PCGF5: variants seen among roughly 807,000 people sequenced by gnomAD.
The protein encoded by PCGF5 is polycomb group ring finger 5, also known as polycomb group RING finger protein 5.
Under a neutral mutation model 44.3 loss-of-function variants are expected in PCGF5, and 9 were observed. That is an observed-to-expected ratio of 0.20 (90% CI 0.12 to 0.35). The LOEUF (loss-of-function observed/expected upper bound fraction) is 0.35. Among genes scored for constraint, PCGF5 ranks in the 10% least tolerant of loss-of-function variants. The pLI, the probability that PCGF5 is intolerant of heterozygous loss-of-function variation, is 1.00. For missense variants in PCGF5, 146 were observed against 305.3 expected (o/e 0.48, Z 3.89); for synonymous variants, 95 against 102.5 (o/e 0.93, Z 0.44).
Position 91,264,421 on chromosome 10 carries a change from C to A in PCGF5, c.574-10C>A. ...TTATGTTAATAGATCTATAATGATT[C>A]TTTTTAAAGTTGGATGTGCTGTGCA... On this transcript the variant is annotated splice_polypyrimidine_tract_variant and intron_variant, in intron 7 of 9. Coordinates refer to ENST00000336126, the MANE Select transcript of PCGF5 (RefSeq NM_032373.5). 1 of 1,581,496 alleles carries A rather than the reference C, an allele frequency of 6.3e-7. No individual in the cohort carries two copies. The highest frequency in any genetic ancestry group is 8.6e-7 in the Non-Finnish European group (1 of 1,164,486).
chr10:91,239,808 A>T (rs977882228), intron 2 of PCGF5, among the ~76,000 whole-genome samples: 3 of 152,176 alleles, frequency 2.0e-5, no homozygotes, highest in Admixed American at 6.6e-5. Flanking sequence ...TCCACAAGTC[A>T]TATTTCCATT....
intron 5 of PCGF5, among the ~76,000 whole-genome samples, chr10:91,249,796 AT>A (rs1845579764): frequency 6.6e-6 from 1 of 152,066 alleles, no homozygotes; most frequent in African/African-American, 2.4e-5. Flanking sequence ...CAACAAAAAA[AT>A]GGCAAAGAAG....
At chr10:91,166,480 T>C (rs1401444146) in intron 1 of PCGF5, among the ~76,000 whole-genome samples, 1 of 152,214 alleles carries the variant, frequency 6.6e-6, no homozygotes, top group African/African-American at 2.4e-5. Flanking sequence ...TGGCAGTAAA[T>C]AACCTAGAAT....
chr10:91,251,119 A>C (rs1038808713), intron 5 of PCGF5, among the ~76,000 whole-genome samples, 173 bp from the exon 6 acceptor site: 2 of 150,886 alleles, frequency 1.3e-5, no homozygotes, highest in African/African-American at 4.9e-5. Context: ...TTTTTTTACA[A>C]AATATTTCCA....
intron 9 of PCGF5, among the ~76,000 whole-genome samples, chr10:91,275,699 C>A (rs1174449060): frequency 6.6e-6 from 1 of 151,646 alleles, no homozygotes; most frequent in Non-Finnish European, 1.5e-5. Flanking sequence ...GTGATCTGCC[C>A]GCCTCGGGCT....
chr10:91,263,216 AGTT>A (rs1163552097), intron 7 of PCGF5, among the ~76,000 whole-genome samples: 1 of 152,224 alleles, frequency 6.6e-6, no homozygotes, highest in Non-Finnish European at 1.5e-5. Context: ...AAGATAGTTT[AGTT>A]GTTAAACGAC....
At chr10:91,208,483 C>G (rs1844388178) in intron 1 of PCGF5, among the ~76,000 whole-genome samples, 1 of 152,170 alleles carries the variant, frequency 6.6e-6, no homozygotes, top group Non-Finnish European at 1.5e-5. Context: ...CTAACAAGAT[C>G]CCTGCTGATG....
chr10:91,189,176 C>T (rs113279340), intron 1 of PCGF5, among the ~76,000 whole-genome samples: 149 of 152,354 alleles, frequency 9.8e-4, no homozygotes, highest in African/African-American at 3.4e-3. Context: ...CACATTCCTT[C>T]TCTTCTTTGC....
intron 1 of PCGF5, among the ~76,000 whole-genome samples, chr10:91,188,086 C>T (rs1843959607): frequency 6.6e-6 from 1 of 152,168 alleles, no homozygotes; most frequent in Admixed American, 6.5e-5. Flanking sequence ...GTTAACTCCC[C>T]CGAACAGGAA....
intron 8 of PCGF5, among the ~76,000 whole-genome samples, chr10:91,268,265 T>A (rs2133439881): frequency 6.6e-6 from 1 of 152,286 alleles, no homozygotes; most frequent in Admixed American, 6.5e-5. Flanking sequence ...TTGGGATAAA[T>A]TTGGATGAAG....
At position 91,233,780 on chromosome 10, in the gene PCGF5, A is replaced by T. The variant is rs948101503; in HGVS notation, c.113-6704A>T. Among the ~76,000 whole-genome samples, 4 of 152,336 alleles carry T rather than the reference A, an allele frequency of 2.6e-5. No individual in the cohort carries two copies. The South Asian group carries it at 8.3e-4, about 32-fold the overall frequency. On this transcript the variant is annotated intron_variant, in intron 2 of 9. Coordinates refer to ENST00000336126, the MANE Select transcript of PCGF5 (RefSeq NM_032373.5). ...TCAAGACAAAAATGTATATAAAATG[A>T]GCATTATCAAGAAATGTGTATGAAG...
At chr10:91,174,354 TA>T (rs1200120849) in intron 1 of PCGF5, among the ~76,000 whole-genome samples, 1 of 151,816 alleles carries the variant, frequency 6.6e-6, no homozygotes, top group Non-Finnish European at 1.5e-5. Flanking sequence ...TAAAAATACA[TA>T]AATTAGACAG....
At chr10:91,209,000 C>G (rs956448496) in intron 1 of PCGF5, among the ~76,000 whole-genome samples, 1 of 152,160 alleles carries the variant, frequency 6.6e-6, no homozygotes, top group Non-Finnish European at 1.5e-5. Context: ...TGGTCAAATA[C>G]TTTTTTTCCC....
intron 9 of PCGF5, among the ~76,000 whole-genome samples, chr10:91,276,584 A>T (rs998123321): frequency 6.6e-6 from 1 of 152,212 alleles, no homozygotes; most frequent in Non-Finnish European, 1.5e-5. Context: ...GTTCTTATAG[A>T]ACACACAACA....
intron 1 of PCGF5, among the ~76,000 whole-genome samples, chr10:91,187,686 T>C (rs771057354): frequency 6.6e-6 from 1 of 152,230 alleles, no homozygotes; most frequent in Non-Finnish European, 1.5e-5. Context: ...ACAACTTCAA[T>C]GCTTCATGTT....
At chr10:91,266,327 C>T (rs137978540) in intron 8 of PCGF5, among the ~76,000 whole-genome samples, 1 of 152,220 alleles carries the variant, frequency 6.6e-6, no homozygotes, top group African/African-American at 2.4e-5. Context: ...AGAACTCCTC[C>T]CAAAGTTGCC....
rs369073230 is a variant in PCGF5 at position 91,280,885 on chromosome 10, G to A, written c.*2569G>A. ...AAATGAATTCTTTAAATAACCTATA[G>A]GAATCATCTGAATCTGTAACATCAG... is the stretch of plus-strand genomic sequence containing the variant. On this transcript the variant is annotated 3_prime_UTR_variant, in exon 10 of 10. Transcript: ENST00000336126. The A allele has an allele frequency of 2.0e-5, 3 of 152,410 alleles. No individual in the cohort carries two copies. The highest frequency in any genetic ancestry group is 3.8e-4 in the East Asian group (2 of 5,200). 9.4% of individuals were successfully genotyped at this position (152,410 alleles called of 1,614,324 possible). A position where few individuals can be genotyped will look rare whatever the true frequency, so the allele number is the denominator to read the frequency against.
chr10:91,253,281 G>A (rs1845665532), intron 6 of PCGF5, among the ~76,000 whole-genome samples: 1 of 151,942 alleles, frequency 6.6e-6, no homozygotes, highest in South Asian at 2.1e-4. Flanking sequence ...TTGTCACCCA[G>A]GTAATAGGCA....
Position 91,165,720 on chromosome 10 carries a change from A to G in PCGF5, c.-184+2639A>G, listed in dbSNP as rs146710236. On this transcript the variant is annotated intron_variant, in intron 1 of 9. Transcript: ENST00000614189. ...TACATAAAAGGAGTTATTTAAAATT[A>G]TATTTTAAACATCTTAAATGGATTC... Among the ~76,000 whole-genome samples the G allele has an allele frequency of 4.3e-3, 656 of 152,368 alleles. 3 individuals are homozygous for G. Among genetic ancestry groups the G allele is most frequent in the African/African-American group, 0.015 (623 of 41,598 alleles).
Sources: allele counts gnomAD v4.1 joint callset (sites outside exome capture counted in the v4.1 genomes callset), GRCh38; gene constraint gnomAD v4.1.1; transcripts MANE v1.5; gene names NCBI Gene and HGNC (gene_info 2026-07-23, HGNC 2026-07-21).